Variants in UTRN observed in about 807,000 individuals in gnomAD.
UTRN encodes utrophin.
In UTRN, 283 loss-of-function variants were observed where a neutral mutation model predicts 463.9. That is an observed-to-expected ratio of 0.61 (90% confidence interval 0.55 to 0.67). The LOEUF is 0.67. UTRN is among the 30% of genes least tolerant of loss of function. The probability of loss-of-function intolerance (pLI) is 0.00; values close to 1 mark genes in which losing one functional copy is unlikely to be tolerated. For missense variants in UTRN, 3,922 were observed against 4,084.3 expected, an observed-to-expected ratio of 0.96 and a Z score of 1.08; for synonymous variants, 1,442 against 1,431.5, an observed-to-expected ratio of 1.01 and a Z score of -0.17.
At chr6:144,343,684 G>C (rs1425038577) in intron 2 of UTRN, among the ~76,000 whole-genome samples, 1 of 152,132 alleles carries the variant, frequency 6.6e-6, no homozygotes, top group African/African-American at 2.4e-5. Flanking sequence ...GAATTCTAAG[G>C]GATGAAGAAG....
intron 65 of UTRN, among the ~76,000 whole-genome samples, chr6:144,814,649 C>T (rs1161276024): frequency 2.0e-5 from 3 of 152,066 alleles, no homozygotes; most frequent in African/African-American, 7.2e-5. Context: ...ACAAATAAAG[C>T]ATGCCAGTGT....
intron 58 of UTRN, among the ~76,000 whole-genome samples, chr6:144,760,823 T>A (rs910288168): frequency 7.2e-5 from 11 of 152,190 alleles, no homozygotes; most frequent in Non-Finnish European, 1.5e-4. Flanking sequence ...AAAAATAATA[T>A]TCAGGTAGAA....
intron 25 of UTRN, among the ~76,000 whole-genome samples, chr6:144,476,393 G>C (rs539332692): frequency 2.2e-4 from 33 of 152,104 alleles, no homozygotes; most frequent in African/African-American, 7.9e-4. Flanking sequence ...GTGATGGAGG[G>C]CATGAGAAAT....
intron 60 of UTRN, among the ~76,000 whole-genome samples, chr6:144,781,402 T>C (rs1331090732): frequency 6.6e-6 from 1 of 152,224 alleles, no homozygotes; most frequent in African/African-American, 2.4e-5. Flanking sequence ...TAAAACCTGT[T>C]TTTTAATATG....
chr6:144,501,238 T>C (rs1488585518), intron 34 of UTRN, among the ~76,000 whole-genome samples: 1 of 152,208 alleles, frequency 6.6e-6, no homozygotes, highest in African/African-American at 2.4e-5. Context: ...CGGTGTGTTG[T>C]GGTTGAATGC....
At chr6:144,554,987 A>G in intron 49 of UTRN, 94 bp downstream of exon 49, 4 of 1,363,878 alleles carry the variant, frequency 2.9e-6, no homozygotes, top group South Asian at 2.8e-5. Flanking sequence ...GGACCCTGCC[A>G]TGTTTTTTCC....
In UTRN at chr6:144,325,552, A is replaced by C. The variant is rs185535982; in HGVS notation, c.79+33645A>C. 5.9e-5 allele frequency among the ~76,000 whole-genome samples: 9 copies of C among 152,328 alleles called. No individual in the cohort carries two copies. The East Asian group carries it at 1.7e-3, about 29-fold the overall frequency. On this transcript the variant is annotated intron_variant, in intron 2 of 74. Coordinates refer to ENST00000367545, the MANE Select transcript of UTRN (RefSeq NM_007124.3). ...TGGCATTCTGTTGCAGTAGCATAGA[A>C]TGGACTAAGACAGCCTCCCATCGCT...
intron 64 of UTRN, among the ~76,000 whole-genome samples, chr6:144,801,476 A>C (rs540467818): frequency 6.6e-6 from 1 of 152,216 alleles, no homozygotes; most frequent in Non-Finnish European, 1.5e-5. Context: ...TGTCTATTAT[A>C]GAATAATCTT....
intron 65 of UTRN, among the ~76,000 whole-genome samples, chr6:144,803,774 A>G (rs1171311425): frequency 1.3e-5 from 2 of 152,052 alleles, no homozygotes; most frequent in Non-Finnish European, 2.9e-5. Flanking sequence ...ACACTCTTAC[A>G]AGTATCTTTG....
chr6:144,517,696 A>C (rs565036595), intron 39 of UTRN, among the ~76,000 whole-genome samples: 47 of 152,230 alleles, frequency 3.1e-4, no homozygotes, highest in Non-Finnish European at 5.6e-4. Flanking sequence ...AATACTTCCA[A>C]CTGTGTTTCA....
intron 14 of UTRN, among the ~76,000 whole-genome samples, chr6:144,446,126 C>T (rs906319341): frequency 6.6e-6 from 1 of 152,120 alleles, no homozygotes; most frequent in African/African-American, 2.4e-5. Flanking sequence ...AAAGTAATTG[C>T]AAATTTGGAA....
intron 50 of UTRN, among the ~76,000 whole-genome samples, chr6:144,563,121 TATTA>T (rs1365340564): frequency 2.0e-5 from 3 of 152,206 alleles, no homozygotes; most frequent in Non-Finnish European, 4.4e-5. Flanking sequence ...CATTAATATT[TATTA>T]ATTAATAATG....
intron 34 of UTRN, among the ~76,000 whole-genome samples, chr6:144,504,023 C>T (rs1175197936): frequency 6.6e-6 from 1 of 152,140 alleles, no homozygotes; most frequent in Non-Finnish European, 1.5e-5. Flanking sequence ...AATGGGAGTT[C>T]ACTCATGATT....
chr6:144,424,208 G>A (rs1000991852), intron 6 of UTRN, 130 bp downstream of exon 6: 2 of 951,326 alleles, frequency 2.1e-6, no homozygotes, highest in Admixed American at 5.0e-5. Context: ...TTGTCTCCCA[G>A]TTCTGGAGGC....
rs777393595 is a variant in UTRN, at chr6:144,426,331, G to A, written c.450G>A (p.Thr150=). 28 of 1,613,810 alleles carry A rather than the reference G, an allele frequency of 1.7e-5. No individual in the cohort carries two copies. In the South Asian group the frequency reaches 2.4e-4, roughly 14 times the overall value. ...ATGTCATGTCGGACCTGCAGCAGACGAACAGTGAGAAGATCCTGCTCAGCT... is the reference window on the plus strand; with the variant it reads ...ATGTCATGTCGGACCTGCAGCAGACAAACAGTGAGAAGATCCTGCTCAGCT... ...MKDVMSDLQQ[T]NSEKILLSWV... The change falls in exon 7 of 75, where the codon ACG becomes ACA. Residue 150 remains threonine, a synonymous_variant. Coordinates refer to ENST00000367545, the MANE Select transcript of UTRN (RefSeq NM_007124.3).
At chr6:144,489,869 C>T (rs563928332) in intron 30 of UTRN, among the ~76,000 whole-genome samples, 16 of 152,114 alleles carry the variant, frequency 1.1e-4, no homozygotes, top group Non-Finnish European at 1.9e-4. Flanking sequence ...ATCCACCCGC[C>T]TCGGCCTCCC....
At position 144,499,190 on chromosome 6, in the gene UTRN, T is replaced by G. The variant is rs9496986; in HGVS notation, c.4594-67T>G. On this transcript the variant is annotated intron_variant, in intron 33 of 74. Transcript: ENST00000367545. Reference sequence around the variant, plus strand: ...CAGTTTGGATCTTTAGTTAACATTCTGATTCATTCTCATTTATGTTCATTC... The same window carrying G: ...CAGTTTGGATCTTTAGTTAACATTCGGATTCATTCTCATTTATGTTCATTC... 1,333 of 1,502,546 alleles carry G rather than the reference T, an allele frequency of 8.9e-4. 5 individuals are homozygous for G. In the African/African-American group the frequency reaches 0.014, roughly 16 times the overall value. 93.1% of individuals were successfully genotyped at this position (1,502,546 alleles called of 1,614,324 possible). A position where few individuals can be genotyped will look rare whatever the true frequency, so the allele number is the denominator to read the frequency against.
chr6:144,501,400 C>G (rs527330077), intron 34 of UTRN, among the ~76,000 whole-genome samples: 3 of 151,866 alleles, frequency 2.0e-5, no homozygotes, highest in African/African-American at 7.2e-5. Context: ...TAGTGTAATA[C>G]AAAAAAACAG....
At chr6:144,548,313 A>C (rs1366644907) in intron 46 of UTRN, among the ~76,000 whole-genome samples, 1 of 152,224 alleles carries the variant, frequency 6.6e-6, no homozygotes, top group Non-Finnish European at 1.5e-5. Flanking sequence ...AAAATTATGA[A>C]TAAGTTGGCT....
Sources: gnomAD v4.1 joint callset for allele counts (sites outside exome capture counted in the v4.1 genomes callset) on GRCh38, gnomAD v4.1.1 for gene constraint, MANE v1.5 for transcripts, NCBI Gene and HGNC (gene_info 2026-07-23, HGNC 2026-07-21) for gene names.